CSMD1: variants seen among roughly 807,000 people sequenced by gnomAD.
The protein encoded by CSMD1 is CUB and sushi domain-containing protein 1.
A neutral mutation model predicts 417.5 loss-of-function variants in CSMD1; 213 were observed. That is an observed-to-expected ratio of 0.51 (90% CI 0.46 to 0.57). The LOEUF (loss-of-function observed/expected upper bound fraction) is 0.57, where lower values mean the gene tolerates loss of function less well. Among genes scored for constraint, CSMD1 ranks in the 20% least tolerant of loss-of-function variants. The pLI is 0.00. For missense variants in CSMD1, 6,923 were observed against 4,529.7 expected (o/e 1.53, Z -15.17); for synonymous variants, 2,862 against 1,736.8 (o/e 1.65, Z -16.11).
chr8:3,575,563 TA>T (rs1200290516), intron 9 of CSMD1, among the ~76,000 whole-genome samples: 1 of 152,130 alleles, frequency 6.6e-6, no homozygotes, highest in African/African-American at 2.4e-5. Context: ...TTTTCAACTT[TA>T]AAAAAGGGTT....
intron 3 of CSMD1, among the ~76,000 whole-genome samples, chr8:4,320,362 TTTA>T (rs1283835427): frequency 6.6e-6 from 1 of 151,638 alleles, no homozygotes; most frequent in African/African-American, 2.4e-5. Flanking sequence ...ATAAACCTTT[TTTA>T]TTATTATTAT....
intron 1 of CSMD1, among the ~76,000 whole-genome samples, chr8:4,812,373 G>C (rs991467098): frequency 2.0e-5 from 3 of 152,142 alleles, no homozygotes; most frequent in African/African-American, 4.8e-5. Flanking sequence ...CAGTTAGATA[G>C]AAGGTATAAA....
intron 39 of CSMD1, among the ~76,000 whole-genome samples, chr8:3,152,121 G>C (rs965813300): frequency 2.6e-5 from 4 of 152,286 alleles, no homozygotes; most frequent in South Asian, 4.1e-4. Context: ...TTTCAATTTC[G>C]GAAGGCAGCT....
At chr8:3,234,009 C>G (rs531860260) in intron 26 of CSMD1, among the ~76,000 whole-genome samples, 1 of 152,316 alleles carries the variant, frequency 6.6e-6, no homozygotes, top group South Asian at 2.1e-4. Context: ...ATTCTCCCCA[C>G]TCTGTGAGTA....
chr8:4,072,708 G>A (rs987245906), intron 3 of CSMD1, among the ~76,000 whole-genome samples: 1 of 152,246 alleles, frequency 6.6e-6, no homozygotes, highest in Non-Finnish European at 1.5e-5. Flanking sequence ...TGTGAATTGG[G>A]AATACAGAAA....
chr8:4,957,522 C>T (rs1809198474), intron 1 of CSMD1, among the ~76,000 whole-genome samples: 1 of 152,134 alleles, frequency 6.6e-6, no homozygotes, highest in South Asian at 2.1e-4. Flanking sequence ...ATCAACTTTT[C>T]TGAAGTGCTT....
intron 3 of CSMD1, among the ~76,000 whole-genome samples, chr8:4,198,565 T>C (rs1799472529): frequency 1.3e-5 from 2 of 152,156 alleles, no homozygotes; most frequent in African/African-American, 4.8e-5. Context: ...TTCAGGAACG[T>C]GCACAAGGAA....
chr8:4,378,052 C>T (rs746660984), intron 3 of CSMD1, among the ~76,000 whole-genome samples: 6 of 152,060 alleles, frequency 3.9e-5, no homozygotes, highest in African/African-American at 1.4e-4. Flanking sequence ...AGTGTAACAC[C>T]CACTACTCAT....
At chr8:3,904,192 G>C (rs1320021978) in intron 5 of CSMD1, among the ~76,000 whole-genome samples, 1 of 152,272 alleles carries the variant, frequency 6.6e-6, no homozygotes, top group East Asian at 1.9e-4. Flanking sequence ...GAACCGGCCT[G>C]TGTCTCATTC....
intron 5 of CSMD1, among the ~76,000 whole-genome samples, chr8:3,964,316 A>G (rs1188023796): frequency 6.6e-6 from 1 of 152,186 alleles, no homozygotes; most frequent in East Asian, 1.9e-4. Context: ...ACGCGGCCAT[A>G]AGTCTCATTG....
chr8:3,439,071 C>CAAG (rs1814764997), intron 12 of CSMD1, among the ~76,000 whole-genome samples: 1 of 119,354 alleles, frequency 8.4e-6, no homozygotes, highest in African/African-American at 3.3e-5. Context: ...TGCAGTGAGC[C>CAAG]AAGATCGTGC....
At chr8:4,774,604 C>T (rs1222619480) in intron 1 of CSMD1, among the ~76,000 whole-genome samples, 6 of 152,114 alleles carry the variant, frequency 3.9e-5, no homozygotes, top group African/African-American at 1.4e-4. Flanking sequence ...AGTTAATCAA[C>T]TGATGTGGTT....
At chr8:4,082,592 A>C (rs1208500864) in intron 3 of CSMD1, among the ~76,000 whole-genome samples, 1 of 148,628 alleles carries the variant, frequency 6.7e-6, no homozygotes, top group African/African-American at 2.5e-5. Context: ...GAAGAAAAAA[A>C]CCTTTCTTTT....
chr8:3,530,554 C>T (rs1439062259), intron 10 of CSMD1, among the ~76,000 whole-genome samples: 2 of 152,162 alleles, frequency 1.3e-5, no homozygotes, highest in African/African-American at 4.8e-5. Context: ...TGGAGTCTTG[C>T]TCTGTTCCCC....
At chr8:4,958,473 T>G (rs1159982085) in intron 1 of CSMD1, among the ~76,000 whole-genome samples, 1 of 152,184 alleles carries the variant, frequency 6.6e-6, no homozygotes, top group African/African-American at 2.4e-5. Context: ...GCAATATATA[T>G]TGAAGATATT....
At chr8:4,919,674 T>C (rs1806305728) in intron 1 of CSMD1, among the ~76,000 whole-genome samples, 1 of 152,168 alleles carries the variant, frequency 6.6e-6, no homozygotes, top group African/African-American at 2.4e-5. Context: ...CTAATTAACA[T>C]AGGAGGTGTG....
At chr8:4,243,174 G>A (rs1038360613) in intron 3 of CSMD1, among the ~76,000 whole-genome samples, 33 of 152,152 alleles carry the variant, frequency 2.2e-4, no homozygotes, top group African/African-American at 8.0e-4. Context: ...TTGCATGGAA[G>A]CCTCTGCTCT....
At chr8:3,446,990 A>G (rs1815346594) in intron 12 of CSMD1, among the ~76,000 whole-genome samples, 2 of 152,240 alleles carry the variant, frequency 1.3e-5, no homozygotes, top group South Asian at 2.1e-4. Flanking sequence ...TTGAAGATGT[A>G]AAGAATAAAG....
chr8:2,965,872 A>G lies in CSMD1; in HGVS notation c.9183T>C (p.Tyr3061=). ...CCATGACATAGCCTGGGTTACACTG[A>G]TAGCTCACAGTCTTGTTGAAGGTGA... The part of the protein sequence containing the change: ...TDFTFNKTVS[Y]QCNPGYVMEA... The change falls in exon 59 of 70, where the codon TAT becomes TAC. Residue 3061 remains tyrosine (Y), a synonymous_variant. Coordinates refer to ENST00000635120, the MANE Select transcript of CSMD1 (RefSeq NM_033225.6). 1.2e-6 allele frequency: 2 copies of G among 1,610,434 alleles called. No individual in the cohort carries two copies. Among genetic ancestry groups the G allele is most frequent in the Non-Finnish European group, 1.7e-6 (2 of 1,178,342 alleles).
Sources: gnomAD v4.1 joint callset for allele counts (sites outside exome capture counted in the v4.1 genomes callset) on GRCh38, gnomAD v4.1.1 for gene constraint, MANE v1.5 for transcripts, NCBI Gene and HGNC (gene_info 2026-07-23, HGNC 2026-07-21) for gene names.